PCDH15: variants seen among roughly 807,000 people sequenced by gnomAD.
PCDH15 encodes the protein protocadherin related 15, also known as protocadherin-15.
In PCDH15, 129 loss-of-function variants were observed where a neutral mutation model predicts 178.5. The observed-to-expected ratio is 0.72, with a 90% CI of 0.63 to 0.84. The LOEUF is 0.84. Ranked by LOEUF, PCDH15 falls within the 40% of genes least tolerant of loss-of-function variation. The probability of loss-of-function intolerance (pLI) is 0.00; values close to 1 mark genes in which losing one functional copy is unlikely to be tolerated. For missense variants in PCDH15, 2,230 were observed against 2,099.9 expected (o/e 1.06, Z -1.21); for synonymous variants, 800 against 732.0 (o/e 1.09, Z -1.50).
At chr10:55,004,957 C>T (rs1032301538) in intron 2 of PCDH15, among the ~76,000 whole-genome samples, 6 of 152,012 alleles carry the variant, frequency 3.9e-5, no homozygotes, top group Non-Finnish European at 8.8e-5. Flanking sequence ...TAGCCCCTCA[C>T]AAAGAACATA....
chr10:55,242,857 C>G (rs1841588697), intron 1 of PCDH15, among the ~76,000 whole-genome samples: 1 of 151,868 alleles, frequency 6.6e-6, no homozygotes, highest in African/African-American at 2.4e-5. Context: ...AACAAACAAA[C>G]AAACAAAAAA....
chr10:54,228,360 C>T (rs558088905), intron 9 of PCDH15, among the ~76,000 whole-genome samples: 1 of 152,246 alleles, frequency 6.6e-6, no homozygotes, highest in South Asian at 2.1e-4. Flanking sequence ...AAAAAATCAT[C>T]AGATCTTGTG....
intron 2 of PCDH15, among the ~76,000 whole-genome samples, chr10:55,016,502 T>G (rs545047401): frequency 1.3e-5 from 2 of 152,282 alleles, no homozygotes; most frequent in Non-Finnish European, 2.9e-5. Flanking sequence ...AGTGAGAACA[T>G]GTAAAGTATG....
chr10:55,261,820 C>G (rs752621689), intron 1 of PCDH15, among the ~76,000 whole-genome samples: 1 of 152,070 alleles, frequency 6.6e-6, no homozygotes, highest in Admixed American at 6.6e-5. Context: ...GTGTGTCTTA[C>G]GTCATTCACT....
rs748917362 is a variant in PCDH15 at position 53,822,346 on chromosome 10, T to G, written c.4368-2116A>C. On this transcript the variant is annotated intron_variant, in intron 32 of 37. Coordinates refer to ENST00000644397, the MANE Select transcript of PCDH15 (RefSeq NM_001384140.1). ...GTTGAAACGGAAAGTGGAAAAAATG[T>G]AGGAGGAGGAAGAGGAAGAGGGATA... The G allele has an allele frequency of 6.6e-5, 105 of 1,584,130 alleles. No individual in the cohort carries two copies. Among genetic ancestry groups the G allele is most frequent in the African/African-American group, 1.4e-4 (10 of 72,994 alleles).
intron 30 of PCDH15, among the ~76,000 whole-genome samples, chr10:53,829,309 G>A (rs544225753): frequency 4.1e-4 from 63 of 152,198 alleles, no homozygotes; most frequent in African/African-American, 8.7e-4. Flanking sequence ...TAAATAATGC[G>A]TCTATAAATT....
At chr10:53,860,480 C>T (rs1351757054) in intron 27 of PCDH15, among the ~76,000 whole-genome samples, 1 of 152,108 alleles carries the variant, frequency 6.6e-6, no homozygotes, top group Non-Finnish European at 1.5e-5. Flanking sequence ...CCTGTAATCA[C>T]AGCATTTTGG....
At chr10:54,082,144 T>A (rs1590301324) in intron 16 of PCDH15, among the ~76,000 whole-genome samples, 2 of 152,164 alleles carry the variant, frequency 1.3e-5, no homozygotes, top group African/African-American at 4.8e-5. Flanking sequence ...TCCTTATTCA[T>A]AAAGAACTGT....
chr10:54,026,095 G>T (rs2093080054), intron 18 of PCDH15, among the ~76,000 whole-genome samples: 4 of 149,788 alleles, frequency 2.7e-5, no homozygotes, highest in South Asian at 2.1e-4. Context: ...TTTGAAACAG[G>T]TCTTGCTCTG....
chr10:54,941,750 ATT>A (rs1838069364), intron 2 of PCDH15, among the ~76,000 whole-genome samples: 2 of 151,978 alleles, frequency 1.3e-5, no homozygotes, highest in African/African-American at 4.8e-5. Flanking sequence ...TGGAGATTAT[ATT>A]TGTTATGTTC....
chr10:53,807,763 ATAT>A (rs1256386071), intron 37 of PCDH15, among the ~76,000 whole-genome samples: 1 of 152,160 alleles, frequency 6.6e-6, no homozygotes, highest in Non-Finnish European at 1.5e-5. Context: ...TTAAAAGGAA[ATAT>A]CTTCTCAGCC....
chr10:54,241,534 A>C (rs1339897022), intron 8 of PCDH15, among the ~76,000 whole-genome samples: 2 of 152,218 alleles, frequency 1.3e-5, no homozygotes, highest in African/African-American at 4.8e-5. Flanking sequence ...GTCAAGAAAC[A>C]CAGAAAGAGC....
chr10:53,886,588 T>C (rs983430198), intron 26 of PCDH15, among the ~76,000 whole-genome samples: 4 of 139,884 alleles, frequency 2.9e-5, no homozygotes, highest in African/African-American at 5.3e-5. Flanking sequence ...TGCCCACATG[T>C]ATGCCTCTTT....
At chr10:54,310,868 G>T (rs1196893607) in intron 8 of PCDH15, among the ~76,000 whole-genome samples, 1 of 151,780 alleles carries the variant, frequency 6.6e-6, no homozygotes, top group Non-Finnish European at 1.5e-5. Context: ...AAAATCCAAG[G>T]CCACCAAGGG....
At chr10:54,625,967 T>C (rs1002605947) in intron 2 of PCDH15, among the ~76,000 whole-genome samples, 17 of 152,004 alleles carry the variant, frequency 1.1e-4, no homozygotes, top group African/African-American at 3.9e-4. Context: ...GTGGTCTCAG[T>C]TGGAGATGAG....
At chr10:53,970,441 C>A (rs570924822) in intron 21 of PCDH15, among the ~76,000 whole-genome samples, 1 of 151,864 alleles carries the variant, frequency 6.6e-6, no homozygotes, top group Non-Finnish European at 1.5e-5. Context: ...GTCTTCAGAG[C>A]AGAACTGAAG....
chr10:55,422,938 C>T (rs958739189), intron 2 of PCDH15, among the ~76,000 whole-genome samples: 2 of 151,814 alleles, frequency 1.3e-5, no homozygotes, highest in Non-Finnish European at 2.9e-5. Flanking sequence ...TAACATATTG[C>T]TGATACACTT....
At chr10:55,071,287 A>T (rs894369585) in intron 2 of PCDH15, among the ~76,000 whole-genome samples, 3 of 104,838 alleles carry the variant, frequency 2.9e-5, no homozygotes, top group Non-Finnish European at 6.6e-5. Flanking sequence ...TGCTCCAATT[A>T]AAAGACACAG....
chr10:53,893,594 AC>A (rs2081740313), intron 26 of PCDH15, among the ~76,000 whole-genome samples: 1 of 152,222 alleles, frequency 6.6e-6, no homozygotes, highest in Non-Finnish European at 1.5e-5. Context: ...GTATATATAC[AC>A]CATTGAATAC....
Sources: gnomAD v4.1 joint callset for allele counts (sites outside exome capture counted in the v4.1 genomes callset) on GRCh38, gnomAD v4.1.1 for gene constraint, MANE v1.5 for transcripts, NCBI Gene and HGNC (gene_info 2026-07-23, HGNC 2026-07-21) for gene names.